The following L2HGDH variants were observed in gnomAD, a reference collection of about 807,000 sequenced individuals.
The protein encoded by L2HGDH is L-2-hydroxyglutarate dehydrogenase.
Under a neutral mutation model 51.5 loss-of-function variants are expected in L2HGDH, and 34 were observed. That is an observed-to-expected ratio of 0.66 (90% CI 0.50 to 0.88). The LOEUF (loss-of-function observed/expected upper bound fraction) is 0.88. Ranked by LOEUF, L2HGDH falls within the 40% of genes least tolerant of loss-of-function variation. The pLI, the probability that L2HGDH is intolerant of heterozygous loss-of-function variation, is 0.00. For missense variants in L2HGDH, 558 were observed against 571.9 expected, an observed-to-expected ratio of 0.98 and a Z score of 0.25; for synonymous variants, 198 against 197.9, an observed-to-expected ratio of 1.00 and a Z score of -0.01.
At chr14:50,274,305 G>T (rs1889857015) in intron 6 of L2HGDH, among the ~76,000 whole-genome samples, 1 of 140,788 alleles carries the variant, frequency 7.1e-6, no homozygotes, top group South Asian at 2.3e-4. Context: ...GGGGGGCCAA[G>T]GACCTGAATA....
At chr14:50,291,766 G>T (rs1354395632) in intron 4 of L2HGDH, among the ~76,000 whole-genome samples, 1 of 151,954 alleles carries the variant, frequency 6.6e-6, no homozygotes, top group Non-Finnish European at 1.5e-5. Flanking sequence ...TTTGCAGAAA[G>T]GATGAAGCAG....
intron 4 of L2HGDH, among the ~76,000 whole-genome samples, chr14:50,288,259 A>C (rs1300200909): frequency 6.6e-6 from 1 of 152,238 alleles, no homozygotes; most frequent in East Asian, 1.9e-4. Context: ...GGACATGTTT[A>C]ATAACGTGTA....
At chr14:50,302,194 G>C (rs747604797) in intron 2 of L2HGDH, 26 bp from the exon 3 acceptor site, 1 of 1,611,824 alleles carries the variant, frequency 6.2e-7, no homozygotes, top group South Asian at 1.1e-5. Context: ...AACAGGGTAA[G>C]AGTAAGTACA....
At chr14:50,248,740 G>C (rs1009476818) in intron 9 of L2HGDH, among the ~76,000 whole-genome samples, 2 of 152,174 alleles carry the variant, frequency 1.3e-5, no homozygotes, top group Admixed American at 1.3e-4. Context: ...AGTGAGTGGA[G>C]CAAGACGGTG....
chr14:50,280,314 G>A (rs999577104), intron 5 of L2HGDH, among the ~76,000 whole-genome samples: 22 of 151,886 alleles, frequency 1.4e-4, no homozygotes, highest in African/African-American at 3.9e-4. Context: ...TTACAGGCAC[G>A]TATCACCACA....
At chr14:50,310,820 A>G (rs2031078064) in intron 1 of L2HGDH, among the ~76,000 whole-genome samples, 3 of 151,850 alleles carry the variant, frequency 2.0e-5, no homozygotes, top group South Asian at 4.1e-4. Context: ...ACAAATCACA[A>G]TCGCTATTAC....
At chr14:50,260,403 G>T (rs1480422769) in intron 9 of L2HGDH, among the ~76,000 whole-genome samples, 1 of 152,114 alleles carries the variant, frequency 6.6e-6, no homozygotes, top group Non-Finnish European at 1.5e-5. Flanking sequence ...GGTGGATATG[G>T]TTTGTACAAT....
chr14:50,311,444 C>T (rs992329137), intron 1 of L2HGDH: 2 of 456,040 alleles, frequency 4.4e-6, no homozygotes, highest in South Asian at 1.5e-5. Flanking sequence ...CTACAGAGGA[C>T]AGAGAAAGAC....
chr14:50,308,357 A>G (rs1335948449), intron 1 of L2HGDH, among the ~76,000 whole-genome samples: 1 of 150,836 alleles, frequency 6.6e-6, no homozygotes. Context: ...ACTGCGCTCC[A>G]GCCTGGGCAA....
intron 7 of L2HGDH, among the ~76,000 whole-genome samples, chr14:50,268,462 GA>G (rs938767109): frequency 3.6e-4 from 52 of 145,994 alleles, no homozygotes; most frequent in African/African-American, 9.8e-4. Context: ...CTGGGTAAAG[GA>G]AAAAAAAAAG....
Position 50,244,547 on chromosome 14 carries a change from G to A in L2HGDH, c.*2511C>T. The A allele has an allele frequency of 1.0e-6, 1 of 985,402 alleles. No homozygotes were observed. Among genetic ancestry groups the A allele is most frequent in the Non-Finnish European group, 1.2e-6 (1 of 829,924 alleles). The allele number at this position is 985,402 out of a possible 1,614,324, so 61.0% of individuals were successfully genotyped here. ...TATCCTGTGTTTGCATTTCTTGCAG[G>A]AATCAGCTGTTATAAAGAAACATTA... On this transcript the variant is annotated 3_prime_UTR_variant, in exon 10 of 10. Coordinates refer to ENST00000267436, the MANE Select transcript of L2HGDH (RefSeq NM_024884.3).
At position 50,256,132 on chromosome 14, in the gene L2HGDH, G is replaced by A. The variant is rs967027112; in HGVS notation, c.1197-8879C>T. On this transcript the variant is annotated intron_variant, in intron 9 of 9. Coordinates refer to ENST00000267436, the MANE Select transcript of L2HGDH (RefSeq NM_024884.3). Reference sequence around the variant, plus strand: ...CATTACACTACAGGTTGGAAAAACAGCTACGAAAAGCTGTAACAGGCATCT... The same window carrying A: ...CATTACACTACAGGTTGGAAAAACAACTACGAAAAGCTGTAACAGGCATCT... Among the ~76,000 whole-genome samples, 4 of 152,062 alleles carry A rather than the reference G, an allele frequency of 2.6e-5. No homozygotes were observed. The East Asian group carries it at 7.7e-4, about 29-fold the overall frequency.
intron 9 of L2HGDH, among the ~76,000 whole-genome samples, chr14:50,256,349 T>TAGG (rs3072727): frequency 0.86 from 130,674 of 151,358 alleles, 56,533 homozygotes; most frequent in East Asian, 0.91. Context: ...ACTCTGTCTC[T>TAGG]AAAATAATAA....
chr14:50,259,635 A>G (rs1888894887), intron 9 of L2HGDH, among the ~76,000 whole-genome samples: 1 of 151,312 alleles, frequency 6.6e-6, no homozygotes, highest in Non-Finnish European at 1.5e-5. Flanking sequence ...CCAGACCAGC[A>G]TGGCCAACAT....
In L2HGDH at chr14:50,245,938, A is replaced by G. The variant is rs1037695221; in HGVS notation, c.*1120T>C. 5.2e-6 allele frequency: 2 copies of G among 386,828 alleles called. No homozygotes were observed. Among genetic ancestry groups the G allele is most frequent in the Non-Finnish European group, 7.1e-6 (2 of 282,596 alleles). The allele number at this position is 386,828 out of a possible 1,614,324, so 24.0% of individuals were successfully genotyped here. A position where few individuals can be genotyped will look rare whatever the true frequency, so the allele number is the denominator to read the frequency against. ...GGAATTCGAGACCAGCCTGGCCAAC[A>G]TGGCAAAACCCCGTCTCTACTAAAA... On this transcript the variant is annotated 3_prime_UTR_variant, in exon 10 of 10. Transcript: ENST00000267436.
intron 7 of L2HGDH, among the ~76,000 whole-genome samples, chr14:50,268,655 C>T (rs1036898765): frequency 6.6e-6 from 1 of 152,006 alleles, no homozygotes; most frequent in Non-Finnish European, 1.5e-5. Context: ...ATCAAATAGC[C>T]GAATACTGAC....
intron 6 of L2HGDH, among the ~76,000 whole-genome samples, chr14:50,270,699 G>C (rs969618299): frequency 6.6e-6 from 1 of 151,928 alleles, no homozygotes; most frequent in African/African-American, 2.4e-5. Context: ...GTAGAGACGG[G>C]GTTTCACCGT....
intron 8 of L2HGDH, among the ~76,000 whole-genome samples, chr14:50,267,366 TAG>T (rs1744866433): frequency 6.6e-6 from 1 of 151,944 alleles, no homozygotes; most frequent in Admixed American, 6.6e-5. Flanking sequence ...GTATTTTTAG[TAG>T]AGATGGGGCT....
At chr14:50,255,290 T>C (rs1413180660) in intron 9 of L2HGDH, among the ~76,000 whole-genome samples, 1 of 151,812 alleles carries the variant, frequency 6.6e-6, no homozygotes, top group Non-Finnish European at 1.5e-5. Context: ...ATCCCAGAAC[T>C]TCGAGAGGCC....
Sources: allele counts gnomAD v4.1 joint callset (sites outside exome capture counted in the v4.1 genomes callset), GRCh38; gene constraint gnomAD v4.1.1; transcripts MANE v1.5; gene names NCBI Gene and HGNC (gene_info 2026-07-23, HGNC 2026-07-21).